Variants in RNF128 observed in about 807,000 individuals in gnomAD.
RNF128 encodes ring finger protein 128.
RNF128 carries 13 observed loss-of-function variants against 26.2 expected under a neutral mutation model. The ratio of observed to expected loss-of-function variants is 0.50; its 90% CI spans 0.32 to 0.79. RNF128 has a LOEUF of 0.79. RNF128 is among the 30% of genes least tolerant of loss of function. The pLI is 0.03. For missense variants in RNF128, 315 were observed against 349.7 expected, an observed-to-expected ratio of 0.90 and a Z score of 0.79; for synonymous variants, 149 against 142.5, an observed-to-expected ratio of 1.05 and a Z score of -0.32.
intron 1 of RNF128, among the ~76,000 whole-genome samples, chrX:106,739,231 C>G (rs919022257): frequency 9.1e-6 from 1 of 109,799 alleles, no homozygotes; most frequent in Non-Finnish European, 1.9e-5. Context: ...GCAATATGGG[C>G]TCACTTCAAC....
At chrX:106,744,267 CTTG>C (rs1301410040) in intron 1 of RNF128, among the ~76,000 whole-genome samples, 4 of 111,365 alleles carry the variant, frequency 3.6e-5, no homozygotes, top group African/African-American at 1.3e-4. Context: ...AGATTTCCTT[CTTG>C]TGCTTTAACC....
At chrX:106,768,605 T>C (rs370231381) in intron 1 of RNF128, among the ~76,000 whole-genome samples, 2 of 111,945 alleles carry the variant, frequency 1.8e-5, no homozygotes, top group African/African-American at 6.5e-5. Context: ...TTCTTCTCTC[T>C]TTTCTTCTTT....
chrX:106,728,144 T>C (rs1384386351), intron 1 of RNF128, among the ~76,000 whole-genome samples: 3 of 112,047 alleles, frequency 2.7e-5, no homozygotes, highest in Non-Finnish European at 3.8e-5. Flanking sequence ...GGTTACTATT[T>C]TTCCCCGTCG....
chrX:106,749,438 C>T (rs142959097), intron 1 of RNF128, among the ~76,000 whole-genome samples: 10 of 112,106 alleles, frequency 8.9e-5, no homozygotes, highest in Non-Finnish European at 5.6e-5. Context: ...GCAACAGAAA[C>T]ACACAACACC....
At chrX:106,731,124 TTA>T (rs983793184) in intron 1 of RNF128, among the ~76,000 whole-genome samples, 38 of 112,627 alleles carry the variant, frequency 3.4e-4, no homozygotes, top group Middle Eastern at 4.7e-3. Context: ...GAAGCTACTA[TTA>T]TGTTTTAATC....
At chrX:106,696,246 G>A (rs1928871613) in intron 1 of RNF128, among the ~76,000 whole-genome samples, 1 of 111,433 alleles carries the variant, frequency 9.0e-6, no homozygotes, top group African/African-American at 3.3e-5. Flanking sequence ...TTTATTTAAT[G>A]AACATTGTTT....
At chrX:106,735,850 A>T (rs749954563) in intron 1 of RNF128, among the ~76,000 whole-genome samples, 1 of 111,206 alleles carries the variant, frequency 9.0e-6, no homozygotes, top group African/African-American at 3.3e-5. Flanking sequence ...TCCTATTTTA[A>T]TATGGAATCT....
At chrX:106,765,859 A>T (rs770223385) in intron 1 of RNF128, among the ~76,000 whole-genome samples, 7 of 107,499 alleles carry the variant, frequency 6.5e-5, no homozygotes, top group Non-Finnish European at 1.2e-4. Context: ...TCCTAATGCT[A>T]TCCCCCCCAG....
intron 1 of RNF128, among the ~76,000 whole-genome samples, chrX:106,752,418 T>C (rs955297597): frequency 1.8e-5 from 2 of 112,326 alleles, no homozygotes; most frequent in African/African-American, 6.5e-5. Context: ...ATCCAGGGAA[T>C]TCTCCTAGAT....
At chrX:106,704,997 A>G (rs1439916815) in intron 1 of RNF128, among the ~76,000 whole-genome samples, 2 of 112,021 alleles carry the variant, frequency 1.8e-5, no homozygotes, top group Non-Finnish European at 1.9e-5. Context: ...TGAACAGATT[A>G]GAGGTGAAAA....
At chrX:106,757,734 TAAAA>T (rs1329036889) in intron 1 of RNF128, among the ~76,000 whole-genome samples, 1 of 108,945 alleles carries the variant, frequency 9.2e-6, no homozygotes, top group African/African-American at 3.4e-5. Flanking sequence ...TAAAGTATAA[TAAAA>T]AAATAAATTT....
chrX:106,772,276 A>G (rs919447714), intron 1 of RNF128, among the ~76,000 whole-genome samples: 6 of 111,934 alleles, frequency 5.4e-5, no homozygotes, highest in African/African-American at 1.9e-4. Context: ...GTGCATTTCT[A>G]TATGTTATCT....
At chrX:106,768,878 C>T (rs1602385857) in intron 1 of RNF128, among the ~76,000 whole-genome samples, 1 of 112,131 alleles carries the variant, frequency 8.9e-6, no homozygotes. Context: ...CCTCTATACA[C>T]TGCTTTGAAT....
intron 1 of RNF128, among the ~76,000 whole-genome samples, chrX:106,707,412 A>G (rs763489630): frequency 2.7e-5 from 3 of 111,959 alleles, no homozygotes; most frequent in Non-Finnish European, 3.8e-5. Context: ...ACATATTTTA[A>G]GTTGTCTTCT....
chrX:106,774,140 C>T (rs946460323), intron 2 of RNF128, among the ~76,000 whole-genome samples: 1 of 111,388 alleles, frequency 9.0e-6, no homozygotes, highest in African/African-American at 3.3e-5. Flanking sequence ...TTTTCTTGGC[C>T]ATTTACTCTC....
intron 1 of RNF128, among the ~76,000 whole-genome samples, chrX:106,712,945 A>G (rs1242014333): frequency 2.9e-5 from 3 of 102,426 alleles, no homozygotes; most frequent in African/African-American, 1.1e-4. Flanking sequence ...CAGTGGCGCT[A>G]TCTGGGCTCA....
chrX:106,789,008 G>GTA (rs1278810511), intron 4 of RNF128, among the ~76,000 whole-genome samples: 1 of 79,791 alleles, frequency 1.3e-5, no homozygotes, highest in Non-Finnish European at 2.3e-5. Flanking sequence ...TATATACTGA[G>GTA]TATATATACT....
intron 2 of RNF128, among the ~76,000 whole-genome samples, chrX:106,782,738 T>G (rs1437976066): frequency 1.8e-5 from 2 of 111,771 alleles, no homozygotes; most frequent in African/African-American, 6.5e-5. Context: ...AAGGAAATGG[T>G]AGGAGTAGCT....
chrX:106,764,676 A>AAAC (rs747082714), intron 1 of RNF128, among the ~76,000 whole-genome samples: 8 of 111,615 alleles, frequency 7.2e-5, no homozygotes, highest in South Asian at 3.8e-4. Context: ...AAAAAAAACA[A>AAAC]AACAACAACA....
Sources: gnomAD v4.1 joint callset for allele counts (sites outside exome capture counted in the v4.1 genomes callset) on GRCh38, gnomAD v4.1.1 for gene constraint, MANE v1.5 for transcripts, NCBI Gene and HGNC (gene_info 2026-07-23, HGNC 2026-07-21) for gene names.